Variants in NIPSNAP2 observed in about 807,000 individuals in gnomAD.
NIPSNAP2 encodes nipsnap homolog 2.
A neutral mutation model predicts 48.4 loss-of-function variants in NIPSNAP2; 42 were observed. The ratio of observed to expected loss-of-function variants is 0.87; its 90% CI spans 0.68 to 1.12. NIPSNAP2 has a LOEUF of 1.12. Among genes scored for constraint, NIPSNAP2 ranks in the 50% most tolerant of loss-of-function variants. The pLI, the probability that NIPSNAP2 is intolerant of heterozygous loss-of-function variation, is 0.00. For synonymous variants in NIPSNAP2, 158 were observed against 126.6 expected (o/e 1.25, Z -1.67); for missense variants, 314 against 347.3 (o/e 0.90, Z 0.76).
chr7:55,995,064 C>A, intron 8 of NIPSNAP2, 76 bp downstream of exon 8: 2 of 1,218,450 alleles, frequency 1.6e-6, no homozygotes, highest in Non-Finnish European at 2.4e-6. Flanking sequence ...TAGAGCACAT[C>A]TTGAGTCAGT....
In NIPSNAP2 at chr7:55,989,181, C is replaced by T. The variant is rs184942940; in HGVS notation, c.617+4303C>T. Among the ~76,000 whole-genome samples the T allele has an allele frequency of 2.6e-5, 4 of 152,310 alleles. No individual in the cohort carries two copies. In the East Asian group the frequency reaches 7.7e-4, roughly 29 times the overall value. Reference sequence around the variant, plus strand: ...CTTTAAATGATAAAGCTGTCCACGTCCTCCCAGGAGCTACCTTAAATTCAA... The same window carrying T: ...CTTTAAATGATAAAGCTGTCCACGTTCTCCCAGGAGCTACCTTAAATTCAA... On this transcript the variant is annotated intron_variant, in intron 7 of 9. Transcript: ENST00000322090.
chr7:55,968,518 T>C (rs1393434320), intron 1 of NIPSNAP2, among the ~76,000 whole-genome samples: 1 of 151,912 alleles, frequency 6.6e-6, no homozygotes, highest in Non-Finnish European at 1.5e-5. Context: ...CCCGATTAGC[T>C]GGGACTACAG....
In NIPSNAP2 at chr7:55,981,461, C is replaced by A. The variant is rs1011656838; in HGVS notation, c.279-12C>A. Reference sequence around the variant, plus strand: ...GGTTGTTTAATTAGTGTTGCTGTTTCTTCTCTTTAAGTCAAGAGGTGTTGC... The same window carrying A: ...GGTTGTTTAATTAGTGTTGCTGTTTATTCTCTTTAAGTCAAGAGGTGTTGC... On this transcript the variant is annotated splice_polypyrimidine_tract_variant and intron_variant, in intron 3 of 9. Coordinates refer to ENST00000322090, the MANE Select transcript of NIPSNAP2 (RefSeq NM_001483.3). 6.8e-6 allele frequency: 11 copies of A among 1,607,356 alleles called. No individual in the cohort carries two copies. The highest frequency in any genetic ancestry group is 4.4e-5 in the South Asian group (4 of 90,630).
chr7:55,983,426 G>C (rs926706185), intron 5 of NIPSNAP2, among the ~76,000 whole-genome samples: 2 of 152,146 alleles, frequency 1.3e-5, no homozygotes, highest in African/African-American at 4.8e-5. Flanking sequence ...TACTTCTATT[G>C]ATGTGCCATC....
chr7:55,974,406 G>A (rs1358171253), intron 1 of NIPSNAP2, among the ~76,000 whole-genome samples: 1 of 151,928 alleles, frequency 6.6e-6, no homozygotes, highest in Non-Finnish European at 1.5e-5. Context: ...TGAAGTACTG[G>A]GGAATTTGCT....
In NIPSNAP2 at chr7:55,999,397, C is replaced by CA. The variant is rs1362054422; in HGVS notation, c.*333dup. 3.9e-5 allele frequency: 8 copies of CA among 207,792 alleles called. No homozygotes were observed. The highest frequency in any genetic ancestry group is 9.2e-5 in the African/African-American group (4 of 43,566). The allele number at this position is 207,792 out of a possible 1,614,324, so 12.9% of individuals were successfully genotyped here. A position where few individuals can be genotyped will look rare whatever the true frequency, so the allele number is the denominator to read the frequency against. ...CATCTTGAAAATAAGATTCCAACCA[C>CA]AAAAAAAATTTAGCCATTTCTTTAC... is the stretch of plus-strand genomic sequence containing the variant. On this transcript the variant is annotated 3_prime_UTR_variant, in exon 10 of 10. Coordinates refer to ENST00000322090, the MANE Select transcript of NIPSNAP2 (RefSeq NM_001483.3).
intron 7 of NIPSNAP2, among the ~76,000 whole-genome samples, chr7:55,989,752 A>T (rs1185794468): frequency 2.0e-5 from 3 of 152,236 alleles, no homozygotes; most frequent in East Asian, 3.9e-4. Context: ...TGATGGTGAG[A>T]TTGTTGGTGT....
At chr7:55,970,226 C>T (rs1019854712) in intron 1 of NIPSNAP2, among the ~76,000 whole-genome samples, 3 of 152,002 alleles carry the variant, frequency 2.0e-5, no homozygotes, top group African/African-American at 7.2e-5. Context: ...GGCATGGCAG[C>T]CAGGGTGCCC....
intron 5 of NIPSNAP2, 31 bp from the exon 6 acceptor site, chr7:55,983,697 G>A: frequency 6.2e-7 from 1 of 1,611,456 alleles, no homozygotes; most frequent in Non-Finnish European, 8.5e-7. Flanking sequence ...AGTATCAGAA[G>A]ATTTCATGAG....
intron 1 of NIPSNAP2, among the ~76,000 whole-genome samples, chr7:55,969,004 G>C (rs777693289): frequency 2.0e-5 from 3 of 151,434 alleles, no homozygotes; most frequent in Non-Finnish European, 2.9e-5. Flanking sequence ...CCGAGATCGC[G>C]CCACTGCCCT....
chr7:55,972,172 G>T (rs1443977343), intron 1 of NIPSNAP2, among the ~76,000 whole-genome samples: 2 of 151,894 alleles, frequency 1.3e-5, no homozygotes, highest in Non-Finnish European at 2.9e-5. Flanking sequence ...TGGGTGTGGT[G>T]GTGGGTGCCG....
intron 1 of NIPSNAP2, among the ~76,000 whole-genome samples, chr7:55,976,247 G>C (rs1787106010): frequency 6.6e-6 from 1 of 152,194 alleles, no homozygotes; most frequent in African/African-American, 2.4e-5. Context: ...GGAGATGTCA[G>C]CACATCAGTG....
chr7:55,993,699 C>A (rs113163630), intron 7 of NIPSNAP2, among the ~76,000 whole-genome samples: 3 of 151,722 alleles, frequency 2.0e-5, no homozygotes, highest in African/African-American at 7.3e-5. Flanking sequence ...GAGATCACGC[C>A]GCTGCACTCC....
chr7:55,999,822 G>A lies in NIPSNAP2; in HGVS notation c.*750G>A, dbSNP rs1787642062. ...AACAAAACAAGTAGCTCTAGGAAAA[G>A]AGGTTTTATTTTGTAAACGATCATT... On this transcript the variant is annotated 3_prime_UTR_variant, in exon 10 of 10. Transcript: ENST00000322090. The A allele has an allele frequency of 6.6e-6, 1 of 152,432 alleles. No individual in the cohort carries two copies. Among genetic ancestry groups the A allele is most frequent in the Admixed American group, 6.6e-5 (1 of 15,260 alleles). The allele number at this position is 152,432 out of a possible 1,614,324, so 9.4% of individuals were successfully genotyped here. A position where few individuals can be genotyped will look rare whatever the true frequency, so the allele number is the denominator to read the frequency against.
chr7:55,967,842 G>A (rs1786929018), intron 1 of NIPSNAP2, among the ~76,000 whole-genome samples: 1 of 151,884 alleles, frequency 6.6e-6, no homozygotes, highest in African/African-American at 2.4e-5. Flanking sequence ...TAGAGATGGG[G>A]TTTCTCCATG....
chr7:55,987,330 G>A (rs1787351201), intron 7 of NIPSNAP2, among the ~76,000 whole-genome samples: 1 of 151,360 alleles, frequency 6.6e-6, no homozygotes, highest in Non-Finnish European at 1.5e-5. Flanking sequence ...ATAGATAAAT[G>A]GATAAAGAAA....
chr7:55,984,300 A>G (rs1382538718), intron 6 of NIPSNAP2, among the ~76,000 whole-genome samples: 2 of 152,188 alleles, frequency 1.3e-5, no homozygotes, highest in Non-Finnish European at 2.9e-5. Context: ...TAGCAGCATT[A>G]TTAAAGTGGC....
At chr7:55,981,337 C>T (rs933039236) in intron 3 of NIPSNAP2, 136 bp from the exon 4 acceptor site, 3 of 623,650 alleles carry the variant, frequency 4.8e-6, no homozygotes, top group Admixed American at 2.7e-5. Flanking sequence ...CTCCACATGC[C>T]GTTTTATCAT....
intron 1 of NIPSNAP2, among the ~76,000 whole-genome samples, chr7:55,975,680 C>T (rs943230518): frequency 1.3e-5 from 2 of 152,180 alleles, no homozygotes; most frequent in East Asian, 1.9e-4. Flanking sequence ...TTTTATTGTA[C>T]ATAGATGTGA....
Sources: allele counts gnomAD v4.1 joint callset (sites outside exome capture counted in the v4.1 genomes callset), GRCh38; gene constraint gnomAD v4.1.1; transcripts MANE v1.5; gene names NCBI Gene and HGNC (gene_info 2026-07-23, HGNC 2026-07-21).